The following PHF20L1 variants were observed in gnomAD, a reference collection of about 807,000 sequenced individuals.
PHF20L1 encodes PHD finger protein 20-like protein 1.
Under a neutral mutation model 125.5 loss-of-function variants are expected in PHF20L1, and 44 were observed. The ratio of observed to expected loss-of-function variants is 0.35; its 90% confidence interval spans 0.28 to 0.45. The LOEUF (loss-of-function observed/expected upper bound fraction) is 0.45, where lower values mean the gene tolerates loss of function less well. PHF20L1 is among the 20% of genes least tolerant of loss of function. The probability of loss-of-function intolerance (pLI) is 1.00; values close to 1 mark genes in which losing one functional copy is unlikely to be tolerated. For synonymous variants in PHF20L1, 380 were observed against 403.1 expected (o/e 0.94, Z 0.69); for missense variants, 1,012 against 1,217.2 (o/e 0.83, Z 2.51).
At chr8:132,844,561 C>T (rs560543053) in intron 20 of PHF20L1, among the ~76,000 whole-genome samples, 1 of 152,080 alleles carries the variant, frequency 6.6e-6, no homozygotes, top group Admixed American at 6.6e-5. Flanking sequence ...TAAATACTGT[C>T]TATTTGCCAG....
chr8:132,834,440 CCT>C (rs1293965479), intron 15 of PHF20L1, among the ~76,000 whole-genome samples: 1 of 152,020 alleles, frequency 6.6e-6, no homozygotes, highest in Admixed American at 6.6e-5. Context: ...CTCAAGCAAT[CCT>C]CTTGCCTCAG....
chr8:132,841,850 CAT>C (rs914283211), intron 18 of PHF20L1: 9 of 152,064 alleles, frequency 5.9e-5, no homozygotes, highest in Non-Finnish European at 1.2e-4. Context: ...GGTACACAAA[CAT>C]ATAATGGTAG....
At chr8:132,790,499 A>G (rs575480279) in intron 2 of PHF20L1, among the ~76,000 whole-genome samples, 11 of 152,250 alleles carry the variant, frequency 7.2e-5, no homozygotes, top group East Asian at 1.9e-4. Flanking sequence ...TTAGTTTGCT[A>G]TTTCAAAGCC....
chr8:132,813,011 CATA>C, intron 9 of PHF20L1: 1 of 937,640 alleles, frequency 1.1e-6, no homozygotes, highest in Non-Finnish European at 1.3e-6. Flanking sequence ...GCATTAGATG[CATA>C]ATAACTCAGT....
chr8:132,810,965 C>A, intron 8 of PHF20L1, 81 bp from the exon 9 acceptor site: 1 of 834,122 alleles, frequency 1.2e-6, no homozygotes, highest in Non-Finnish European at 2.1e-6. Context: ...GAAATTTCAA[C>A]TGCTAAGATT....
intron 15 of PHF20L1, among the ~76,000 whole-genome samples, chr8:132,834,965 T>C (rs564092281): frequency 2.7e-4 from 41 of 152,102 alleles, no homozygotes; most frequent in African/African-American, 9.6e-4. Flanking sequence ...TCAAAAACAT[T>C]GAATGAAGAA....
chr8:132,840,298 A>G (rs1170272429), intron 18 of PHF20L1, among the ~76,000 whole-genome samples: 1 of 152,018 alleles, frequency 6.6e-6, no homozygotes, highest in Non-Finnish European at 1.5e-5. Flanking sequence ...TGTCTTTCAC[A>G]TCCTATCCAT....
chr8:132,843,010 GA>G, intron 19 of PHF20L1, 135 bp downstream of exon 19: 1 of 1,403,604 alleles, frequency 7.1e-7, no homozygotes. Context: ...AAAGTAAGGA[GA>G]TTTTTTTGTT....
chr8:132,775,443 G>T lies in PHF20L1; in HGVS notation c.-240G>T. 1 of 385,708 alleles carries T rather than the reference G, an allele frequency of 2.6e-6. No homozygotes were observed. The highest frequency in any genetic ancestry group is 4.6e-6 in the Non-Finnish European group (1 of 219,764). The allele number at this position is 385,708 out of a possible 1,614,324, so 23.9% of individuals were successfully genotyped here. A position where few individuals can be genotyped will look rare whatever the true frequency, so the allele number is the denominator to read the frequency against. On this transcript the variant is annotated 5_prime_UTR_variant, in exon 1 of 21. Transcript: ENST00000395386. ...CGGCGGCGATGGCAGCGGACCCTGA[G>T]CGAGCTTGAGGGCTCGGACCCAGCT... is the stretch of plus-strand genomic sequence containing the variant.
Position 132,775,508 on chromosome 8 carries a change from C to G in PHF20L1, c.-175C>G, listed in dbSNP as rs1272901536. ...CTTGGGCGGATCCGGCGCTGCGGCC[C>G]CAGCTCGCTCCGCTCCTGCTCCCTC... On this transcript the variant is annotated 5_prime_UTR_variant, in exon 1 of 21. Transcript: ENST00000395386. 2.7e-6 allele frequency: 1 copy of G among 375,714 alleles called. No homozygotes were observed. The highest frequency in any genetic ancestry group is 4.7e-6 in the Non-Finnish European group (1 of 211,296). 23.3% of individuals were successfully genotyped at this position (375,714 alleles called of 1,614,324 possible).
rs556203446 is a variant in PHF20L1, at chr8:132,838,358, C to G, written c.2191+547C>G. The G allele has an allele frequency of 2.5e-5, 4 of 157,220 alleles. No individual in the cohort carries two copies. The South Asian group carries it at 7.5e-4, about 29-fold the overall frequency. 9.7% of individuals were successfully genotyped at this position (157,220 alleles called of 1,614,324 possible). ...CTTGCATGCTACTGACCTGGCAGTT[C>G]TGCATATTCGACTCATTGTAGAGCA... On this transcript the variant is annotated intron_variant, in intron 17 of 20. Coordinates refer to ENST00000395386, the MANE Select transcript of PHF20L1 (RefSeq NM_016018.5).
intron 2 of PHF20L1, among the ~76,000 whole-genome samples, chr8:132,786,957 GT>G (rs1831112345): frequency 6.6e-6 from 1 of 152,058 alleles, no homozygotes; most frequent in African/African-American, 2.4e-5. Flanking sequence ...CTGTAGTAAA[GT>G]TTTTTGTAAA....
At chr8:132,841,536 G>T (rs1837934645) in intron 18 of PHF20L1, 1 of 152,046 alleles carries the variant, frequency 6.6e-6, no homozygotes, top group Non-Finnish European at 1.5e-5. Flanking sequence ...TTATTAATAT[G>T]CAAACATTAT....
intron 12 of PHF20L1, among the ~76,000 whole-genome samples, chr8:132,823,629 A>G (rs1835837847): frequency 6.6e-6 from 1 of 151,990 alleles, no homozygotes; most frequent in African/African-American, 2.4e-5. Context: ...TGGACTAGAC[A>G]TCTTCCACAT....
In PHF20L1 at chr8:132,846,032, T is replaced by A. The variant is rs1838400044; in HGVS notation, c.*109T>A. The stretch of plus-strand genomic sequence containing the variant: ...TAAAAGCTTAGTAATGTCTGGTCAT[T>A]CACTGATTTGTGATGTCAATAGGAT... On this transcript the variant is annotated 3_prime_UTR_variant, in exon 21 of 21. Transcript: ENST00000395386. 2 of 802,200 alleles carry A rather than the reference T, an allele frequency of 2.5e-6. No homozygotes were observed. The highest frequency in any genetic ancestry group is 2.7e-5 in the East Asian group (1 of 37,106). The allele number at this position is 802,200 out of a possible 1,614,324, so 49.7% of individuals were successfully genotyped here.
intron 13 of PHF20L1, 30 bp downstream of exon 13, chr8:132,824,090 A>C: frequency 7.1e-7 from 1 of 1,407,600 alleles, no homozygotes; most frequent in Non-Finnish European, 1.0e-6. Flanking sequence ...TTTAAGCAAA[A>C]GACTATAAAG....
chr8:132,825,142 C>T (rs758965914), intron 13 of PHF20L1, 122 bp from the exon 14 acceptor site: 5 of 1,550,962 alleles, frequency 3.2e-6, no homozygotes, highest in East Asian at 2.4e-5. Flanking sequence ...TAATTGAACC[C>T]ATCCACTCTG....
At chr8:132,836,173 A>T (rs1837335809) in intron 15 of PHF20L1, among the ~76,000 whole-genome samples, 1 of 152,134 alleles carries the variant, frequency 6.6e-6, no homozygotes, top group Admixed American at 6.6e-5. Flanking sequence ...CTATGAAATC[A>T]CAAGGGGACA....
chr8:132,830,571 A>G (rs943960175), intron 14 of PHF20L1, among the ~76,000 whole-genome samples: 2 of 151,830 alleles, frequency 1.3e-5, no homozygotes, highest in Admixed American at 1.3e-4. Context: ...CCTCTCATGT[A>G]TTCCCTAACC....
Sources: allele counts gnomAD v4.1 joint callset (sites outside exome capture counted in the v4.1 genomes callset), GRCh38; gene constraint gnomAD v4.1.1; transcripts MANE v1.5; gene names NCBI Gene and HGNC (gene_info 2026-07-23, HGNC 2026-07-21).